The following ISL2 variants were observed in gnomAD, a reference collection of about 807,000 sequenced individuals.
ISL2 encodes insulin gene enhancer protein ISL-2.
A neutral mutation model predicts 34.6 loss-of-function variants in ISL2; 17 were observed. The observed-to-expected ratio is 0.49, with a 90% CI of 0.34 to 0.74. The LOEUF is 0.74. ISL2 is among the 30% of genes least tolerant of loss of function. ISL2 has a pLI of 0.01. For synonymous variants in ISL2, 232 were observed against 225.5 expected, an observed-to-expected ratio of 1.03 and a Z score of -0.26; for missense variants, 469 against 515.2, an observed-to-expected ratio of 0.91 and a Z score of 0.87.
chr15:76,336,784 G>C lies in ISL2; in HGVS notation c.-100G>C. On this transcript the variant is annotated 5_prime_UTR_variant, in exon 1 of 6. Transcript: ENST00000290759. ...GGTGCGGAATCGCTCCTTCAACTCC[G>C]CGGGGCAGTAGGAGTTAGTTAGCAA... 9.6e-7 allele frequency: 1 copy of C among 1,039,596 alleles called. No individual in the cohort carries two copies. The highest frequency in any genetic ancestry group is 2.4e-5 in the East Asian group (1 of 42,268). 64.4% of individuals were successfully genotyped at this position (1,039,596 alleles called of 1,614,324 possible).
intron 3 of ISL2, 156 bp from the exon 4 acceptor site, chr15:76,340,120 C>G (rs892815706): frequency 3.5e-6 from 5 of 1,422,978 alleles, no homozygotes; most frequent in Non-Finnish European, 4.6e-6. Context: ...CCGAGTAAGG[C>G]GAACAGATGG....
chr15:76,340,922 C>T (rs1200348131), intron 4 of ISL2, among the ~76,000 whole-genome samples: 1 of 152,278 alleles, frequency 6.6e-6, no homozygotes, highest in Non-Finnish European at 1.5e-5. Flanking sequence ...GGGCGGTTGG[C>T]TTCCAGCACC....
chr15:76,341,555 T>TC (rs373759286), intron 5 of ISL2, among the ~76,000 whole-genome samples, 164 bp from the exon 6 acceptor site: 4 of 150,202 alleles, frequency 2.7e-5, no homozygotes, highest in Admixed American at 6.6e-5. Flanking sequence ...CCCGCCCTAA[T>TC]CCCCCCCTCG....
chr15:76,340,306 G>A lies in ISL2; in HGVS notation c.542G>A (p.Arg181His), dbSNP rs1338987217. The change falls in exon 4 of 6, where the codon CGC becomes CAC. Residue 181 changes from arginine (R) to histidine (H), a missense_variant. Coordinates refer to ENST00000290759, the MANE Select transcript of ISL2 (RefSeq NM_145805.3). ...DAGSGRQPAL[R>H]PHVHKQTEKT... ...GGGTCGGGCCGGCAGCCCGCGTTGCGCCCGCACGTGCACAAGCAGACGGAG... is the reference window on the plus strand; with the variant it reads ...GGGTCGGGCCGGCAGCCCGCGTTGCACCCGCACGTGCACAAGCAGACGGAG... 3.1e-6 allele frequency: 5 copies of A among 1,608,940 alleles called. No individual in the cohort carries two copies.
In ISL2 at chr15:76,341,884, A is replaced by C; in HGVS notation, c.*49A>C. On this transcript the variant is annotated 3_prime_UTR_variant, in exon 6 of 6. Coordinates refer to ENST00000290759, the MANE Select transcript of ISL2 (RefSeq NM_145805.3). ...GCGGACCTCGCATGCTCCCTGCATGAGACTCACCCATGCTCAGGCCATTCC... is the reference window on the plus strand; with the variant it reads ...GCGGACCTCGCATGCTCCCTGCATGCGACTCACCCATGCTCAGGCCATTCC... 1.7e-6 allele frequency: 2 copies of C among 1,164,702 alleles called. No homozygotes were observed. Among genetic ancestry groups the C allele is most frequent in the Non-Finnish European group, 2.6e-6 (2 of 773,076 alleles). The allele number at this position is 1,164,702 out of a possible 1,614,324, so 72.1% of individuals were successfully genotyped here.
Position 76,340,451 on chromosome 15 carries a change from C to T in ISL2, c.687C>T (p.Gly229=). Residue 229 remains glycine (G), a synonymous_variant, in exon 4 of 6, where the codon GGC becomes GGT. Transcript: ENST00000290759. ...AGGAGCAGCTGGTGGAGATGACCGG[C>T]CTGAGCCCGCGGGTCATCCGCGTCT... ...LMKEQLVEMT[G]LSPRVIRVWF... 1 of 1,613,824 alleles carries T rather than the reference C, an allele frequency of 6.2e-7. No individual in the cohort carries two copies.
In ISL2 at chr15:76,341,131, C is replaced by T. The variant is rs2040189708; in HGVS notation, c.796-3C>T. 2 of 1,574,512 alleles carry T rather than the reference C, an allele frequency of 1.3e-6. No individual in the cohort carries two copies. Among genetic ancestry groups the T allele is most frequent in the Non-Finnish European group, 1.7e-6 (2 of 1,159,908 alleles). On this transcript the variant is annotated splice_region_variant and splice_polypyrimidine_tract_variant and intron_variant, in intron 4 of 5. Coordinates refer to ENST00000290759, the MANE Select transcript of ISL2 (RefSeq NM_145805.3). ...CACCTACTGCCTTCTGCTTGCCCCG[C>T]AGAGCCTTCAGGGACTGACTGGGAC... is the stretch of plus-strand genomic sequence containing the variant.
intron 3 of ISL2, chr15:76,339,412 A>G: frequency 1.0e-6 from 1 of 985,454 alleles, no homozygotes; most frequent in Non-Finnish European, 1.2e-6. Context: ...GATCCACGGT[A>G]TATATGGGTC....
chr15:76,339,035 C>T (rs1483798375), intron 3 of ISL2: 8 of 985,198 alleles, frequency 8.1e-6, no homozygotes, highest in Non-Finnish European at 9.6e-6. Flanking sequence ...ACAATTTAGC[C>T]AGGTTCTTCT....
intron 3 of ISL2, chr15:76,338,848 T>C (rs2040172393): frequency 5.1e-6 from 5 of 985,340 alleles, no homozygotes; most frequent in Non-Finnish European, 3.6e-6. Context: ...TTGGGGCTTG[T>C]ATTAGGAATT....
intron 4 of ISL2, 45 bp downstream of exon 4, chr15:76,340,604 G>C: frequency 6.4e-7 from 1 of 1,562,888 alleles, no homozygotes; most frequent in South Asian, 1.2e-5. Context: ...TGGGGGCTGC[G>C]CTTCCGCCGC....
chr15:76,339,065 T>C, intron 3 of ISL2: 1 of 985,382 alleles, frequency 1.0e-6, no homozygotes, highest in Non-Finnish European at 1.2e-6. Context: ...GGAGTATCAA[T>C]GCATAGTGGA....
intron 4 of ISL2, 111 bp from the exon 5 acceptor site, chr15:76,341,023 C>T (rs2040188967): frequency 1.7e-5 from 19 of 1,086,574 alleles, no homozygotes; most frequent in Admixed American, 5.2e-5. Flanking sequence ...TGCGCCTCCC[C>T]GCAAAGCAAT....
chr15:76,339,571 G>A, intron 3 of ISL2: 1 of 985,596 alleles, frequency 1.0e-6, no homozygotes, highest in Non-Finnish European at 1.2e-6. Context: ...AGAGAACCTG[G>A]GGCCAAGCGA....
At position 76,338,460 on chromosome 15, in the gene ISL2, G is replaced by GGCAGCCCGC; in HGVS notation, c.465_473dup (p.Arg156_Pro158dup). 7.1e-7 allele frequency: 1 copy of GGCAGCCCGC among 1,418,324 alleles called. No homozygotes were observed. Among genetic ancestry groups the GGCAGCCCGC allele is most frequent in the Non-Finnish European group, 9.2e-7 (1 of 1,089,580 alleles). 87.9% of individuals were successfully genotyped at this position (1,418,324 alleles called of 1,614,324 possible). ...CCTCCTGCTCGAGCGCGCCGCGGCCGGCAGCCCGCGCAGCCCCGGCCCGCT... is the reference window on the plus strand; with the variant it reads ...CCTCCTGCTCGAGCGCGCCGCGGCCGGCAGCCCGCGCAGCCCGCGCAGCCCCGGCCCGCT... On this transcript the variant is annotated inframe_insertion, in exon 3 of 6. Transcript: ENST00000290759.
rs1338931070 is a variant in ISL2 at position 76,341,724 on chromosome 15, C to T, written c.969C>T (p.Ser323=). Residue 323 remains serine, a synonymous_variant, in exon 6 of 6, where the codon TCC becomes TCT. Coordinates refer to ENST00000290759, the MANE Select transcript of ISL2 (RefSeq NM_145805.3). ...LDQPAFQQLV[S]FSESGSLGNS... ...CGGTGTTTCCGCCGCCCCAGGTCTC[C>T]TTCTCCGAGTCCGGCTCCCTAGGCA... The T allele has an allele frequency of 1.2e-6, 2 of 1,612,916 alleles. No individual in the cohort carries two copies. The highest frequency in any genetic ancestry group is 3.3e-5 in the Admixed American group (2 of 60,032).
chr15:76,337,890 G>A lies in ISL2; in HGVS notation c.171G>A (p.Glu57=), dbSNP rs2040163572. ...ACGCGGCCTGCCTCAAGTGTGCCGA[G>A]TGCAGCCAGTACCTGGACGAGACGT... is the stretch of plus-strand genomic sequence containing the variant. The part of the protein sequence containing the change: ...EWHAACLKCA[E]CSQYLDETCT... Residue 57 remains glutamate, a synonymous_variant, in exon 2 of 6, where the codon GAG becomes GAA. Transcript: ENST00000290759. The A allele has an allele frequency of 3.7e-6, 6 of 1,612,708 alleles. No homozygotes were observed. The highest frequency in any genetic ancestry group is 5.1e-6 in the Non-Finnish European group (6 of 1,179,716).
rs994561212 is a variant in ISL2, at chr15:76,339,187, G to A, written c.511+673G>A. The A allele has an allele frequency of 2.2e-5, 22 of 985,314 alleles. No individual in the cohort carries two copies. In the African/African-American group the frequency reaches 3.7e-4, roughly 16 times the overall value. 61.0% of individuals were successfully genotyped at this position (985,314 alleles called of 1,614,324 possible). A position where few individuals can be genotyped will look rare whatever the true frequency, so the allele number is the denominator to read the frequency against. ...ACAGAGGTGCCTCCACCCCAGGCAA[G>A]GCAGTTTCCCCCAGGTAGCCATAGG... On this transcript the variant is annotated intron_variant, in intron 3 of 5. Transcript: ENST00000290759.
intron 2 of ISL2, 75 bp downstream of exon 2, chr15:76,338,042 C>T (rs2040165540): frequency 2.3e-6 from 3 of 1,324,044 alleles, no homozygotes; most frequent in African/African-American, 1.6e-5. Flanking sequence ...GCGGCCTGCC[C>T]GCGCGCCCCG....
Sources: allele counts gnomAD v4.1 joint callset (sites outside exome capture counted in the v4.1 genomes callset), GRCh38; gene constraint gnomAD v4.1.1; transcripts MANE v1.5; gene names NCBI Gene and HGNC (gene_info 2026-07-23, HGNC 2026-07-21).